CFAP299: variants seen among roughly 807,000 people sequenced by gnomAD.
The protein encoded by CFAP299 is cilia and flagella associated protein 299.
Under a neutral mutation model 27.0 loss-of-function variants are expected in CFAP299, and 21 were observed. That is an observed-to-expected ratio of 0.78 (90% CI 0.55 to 1.12). CFAP299 has a LOEUF of 1.12. Ranked by LOEUF, CFAP299 falls within the 50% of genes most tolerant of loss-of-function variation. CFAP299 has a pLI of 0.00. For synonymous variants in CFAP299, 104 were observed against 98.1 expected (o/e 1.06, Z -0.36); for missense variants, 310 against 276.6 (o/e 1.12, Z -0.86).
intron 2 of CFAP299, among the ~76,000 whole-genome samples, chr4:80,579,631 G>A (rs1211769278): frequency 6.6e-6 from 1 of 152,010 alleles, no homozygotes. Context: ...CTGGCATTTT[G>A]TATCTGATAG....
rs1041870625 is a variant in CFAP299, at chr4:80,859,931, T to G, written c.334-10062T>G. On this transcript the variant is annotated intron_variant, in intron 3 of 5. Transcript: ENST00000358105. ...GAGGAGTATCTTTGTGACATTCTCTTTATTTCCTGAATCTGAATGTTGGCC... is the reference window on the plus strand; with the variant it reads ...GAGGAGTATCTTTGTGACATTCTCTGTATTTCCTGAATCTGAATGTTGGCC... 2.1e-3 allele frequency among the ~76,000 whole-genome samples: 325 copies of G among 152,226 alleles called. 2 individuals carry two copies. The highest frequency in any genetic ancestry group is 7.4e-3 in the African/African-American group (308 of 41,542).
intron 3 of CFAP299, among the ~76,000 whole-genome samples, chr4:80,768,048 A>G (rs1358238110): frequency 6.6e-6 from 1 of 152,226 alleles, no homozygotes; most frequent in Non-Finnish European, 1.5e-5. Flanking sequence ...CCTTGGATAT[A>G]AAAATATATT....
intron 4 of CFAP299, among the ~76,000 whole-genome samples, chr4:80,926,250 T>G (rs1736300320): frequency 6.6e-6 from 1 of 151,990 alleles, no homozygotes; most frequent in South Asian, 2.1e-4. Flanking sequence ...ACTAGAGAGA[T>G]GGCTTCCAGG....
chr4:80,507,076 C>G (rs1452105387), intron 2 of CFAP299, among the ~76,000 whole-genome samples: 4 of 152,226 alleles, frequency 2.6e-5, no homozygotes, highest in African/African-American at 9.6e-5. Context: ...AACCCAATTT[C>G]AAGTTGTTCT....
chr4:80,432,124 A>G (rs1311401999), intron 2 of CFAP299, among the ~76,000 whole-genome samples: 12 of 152,286 alleles, frequency 7.9e-5, no homozygotes, highest in Middle Eastern at 3.4e-3. Context: ...TATGATTGCA[A>G]AATATTAGGA....
chr4:80,344,380 A>G (rs1722622780), intron 1 of CFAP299, among the ~76,000 whole-genome samples: 1 of 151,290 alleles, frequency 6.6e-6, no homozygotes, highest in Non-Finnish European at 1.5e-5. Flanking sequence ...CTCTTCGTGC[A>G]GAAAATAGAA....
intron 2 of CFAP299, among the ~76,000 whole-genome samples, chr4:80,574,267 A>G (rs1735738225): frequency 6.6e-6 from 1 of 152,164 alleles, no homozygotes. Flanking sequence ...CACTTTTGAT[A>G]TATGGAAATG....
chr4:80,954,102 T>G (rs1737924561), intron 5 of CFAP299, among the ~76,000 whole-genome samples: 1 of 152,168 alleles, frequency 6.6e-6, no homozygotes, highest in South Asian at 2.1e-4. Flanking sequence ...CCTGGCAAGA[T>G]GGAATGATTG....
At chr4:80,387,301 G>C (rs1725068238) in intron 2 of CFAP299, 14 of 1,610,826 alleles carry the variant, frequency 8.7e-6, no homozygotes, top group Non-Finnish European at 1.2e-5. Flanking sequence ...GAAATGTGTC[G>C]AGCTTTGGGA....
At chr4:80,515,157 C>T (rs1732518593) in intron 2 of CFAP299, among the ~76,000 whole-genome samples, 2 of 152,128 alleles carry the variant, frequency 1.3e-5, no homozygotes, top group Admixed American at 6.6e-5. Flanking sequence ...AACCAAGCAT[C>T]AATTATTTCC....
chr4:80,708,036 C>T (rs547709058), intron 3 of CFAP299, among the ~76,000 whole-genome samples: 51 of 152,120 alleles, frequency 3.4e-4, no homozygotes, highest in African/African-American at 1.2e-3. Flanking sequence ...CTTGATAGTT[C>T]TAAATCAGAA....
intron 2 of CFAP299, among the ~76,000 whole-genome samples, chr4:80,388,931 GT>G (rs1330340520): frequency 6.6e-6 from 1 of 151,916 alleles, no homozygotes; most frequent in Admixed American, 6.6e-5. Flanking sequence ...TCCTTGTGTC[GT>G]TTTTTATTTT....
Position 80,698,183 on chromosome 4 carries a change from T to C in CFAP299, c.333+115000T>C, listed in dbSNP as rs186492742. On this transcript the variant is annotated intron_variant, in intron 3 of 5. Coordinates refer to ENST00000358105, the MANE Select transcript of CFAP299 (RefSeq NM_152770.3). ...ATCACTTTAATCTCTGAGGGGCCAC[T>C]TTTTATAAAATGGGGTAAATAATGT... is the stretch of plus-strand genomic sequence containing the variant. Among the ~76,000 whole-genome samples the C allele has an allele frequency of 2.0e-5, 3 of 152,300 alleles. No homozygotes were observed. In the East Asian group the frequency reaches 5.8e-4, roughly 29 times the overall value.
intron 4 of CFAP299, among the ~76,000 whole-genome samples, chr4:80,899,326 CAT>C (rs1316485337): frequency 2.6e-5 from 4 of 152,100 alleles, no homozygotes; most frequent in African/African-American, 7.2e-5. Context: ...AAGTATTCAA[CAT>C]AAAGTTAGTG....
intron 2 of CFAP299, among the ~76,000 whole-genome samples, chr4:80,432,975 T>C (rs1385125526): frequency 6.6e-6 from 1 of 152,220 alleles, no homozygotes. Flanking sequence ...TTTACTCATC[T>C]TATATTCCTG....
chr4:80,686,252 G>C (rs993281989), intron 3 of CFAP299, among the ~76,000 whole-genome samples: 1 of 152,074 alleles, frequency 6.6e-6, no homozygotes, highest in African/African-American at 2.4e-5. Flanking sequence ...CATGAATTCT[G>C]TCTGGCCATT....
intron 4 of CFAP299, among the ~76,000 whole-genome samples, chr4:80,878,866 T>C (rs968615966): frequency 6.6e-6 from 1 of 152,150 alleles, no homozygotes; most frequent in African/African-American, 2.4e-5. Context: ...ATCATTTTCC[T>C]TGAGATATTG....
intron 3 of CFAP299, among the ~76,000 whole-genome samples, chr4:80,586,470 A>G (rs1421952545): frequency 6.6e-6 from 1 of 150,914 alleles, no homozygotes; most frequent in African/African-American, 2.5e-5. Context: ...TGATCAATGT[A>G]AGATATTATA....
chr4:80,856,675 G>A (rs35799460), intron 3 of CFAP299, among the ~76,000 whole-genome samples: 1 of 151,442 alleles, frequency 6.6e-6, no homozygotes, highest in East Asian at 1.9e-4. Flanking sequence ...TTTCCCCATT[G>A]CTTGTTTTTC....
Sources: allele counts gnomAD v4.1 joint callset (sites outside exome capture counted in the v4.1 genomes callset), GRCh38; gene constraint gnomAD v4.1.1; transcripts MANE v1.5; gene names NCBI Gene and HGNC (gene_info 2026-07-23, HGNC 2026-07-21).